Variants in SNAP29 observed in about 807,000 individuals in gnomAD.
SNAP29 encodes the protein synaptosome associated protein 29, also known as synaptosomal-associated protein 29.
A neutral mutation model predicts 27.9 loss-of-function variants in SNAP29; 13 were observed. That is an observed-to-expected ratio of 0.47 (90% CI 0.30 to 0.74). SNAP29 has a LOEUF of 0.74. SNAP29 is among the 30% of genes least tolerant of loss of function. SNAP29 has a pLI of 0.06. For synonymous variants in SNAP29, 119 were observed against 127.1 expected (o/e 0.94, Z 0.43); for missense variants, 368 against 336.5 (o/e 1.09, Z -0.73).
chr22:20,870,159 G>A (rs753207947), intron 1 of SNAP29, among the ~76,000 whole-genome samples, 178 bp from the exon 2 acceptor site: 8 of 152,118 alleles, frequency 5.3e-5, no homozygotes, highest in Admixed American at 2.6e-4. Context: ...GGTAGGGCAG[G>A]GAGGGAGAGG....
chr22:20,864,221 C>A (rs1928403832), intron 1 of SNAP29, among the ~76,000 whole-genome samples: 1 of 152,108 alleles, frequency 6.6e-6, no homozygotes, highest in African/African-American at 2.4e-5. Flanking sequence ...AACATTAGAC[C>A]AGGGTTGGAA....
chr22:20,863,278 A>G (rs1445749722), intron 1 of SNAP29, among the ~76,000 whole-genome samples: 1 of 150,762 alleles, frequency 6.6e-6, no homozygotes, highest in Non-Finnish European at 1.5e-5. Flanking sequence ...GCTTCCAGCA[A>G]ATTCCAGCAT....
rs1302381719 is a variant in SNAP29, at chr22:20,859,032, C to T, written c.-79C>T. On this transcript the variant is annotated 5_prime_UTR_variant, in exon 1 of 5. Coordinates refer to ENST00000215730, the MANE Select transcript of SNAP29 (RefSeq NM_004782.4). ...GTTCGCGCGACGACCGCGGGGTCGG[C>T]GGGCGGGGCGAGGCCCTGGACGGCG... 6.5e-6 allele frequency: 9 copies of T among 1,388,036 alleles called. No individual in the cohort carries two copies. Among genetic ancestry groups the T allele is most frequent in the South Asian group, 6.4e-5 (5 of 77,876 alleles). The allele number at this position is 1,388,036 out of a possible 1,614,324, so 86.0% of individuals were successfully genotyped here. A position where few individuals can be genotyped will look rare whatever the true frequency, so the allele number is the denominator to read the frequency against.
At chr22:20,874,875 G>A (rs1387627037) in intron 2 of SNAP29, among the ~76,000 whole-genome samples, 1 of 152,044 alleles carries the variant, frequency 6.6e-6, no homozygotes, top group Non-Finnish European at 1.5e-5. Flanking sequence ...GGAGAAGGTA[G>A]GATGTTCATT....
At chr22:20,862,910 T>C (rs1928360409) in intron 1 of SNAP29, among the ~76,000 whole-genome samples, 1 of 151,974 alleles carries the variant, frequency 6.6e-6, no homozygotes, top group Non-Finnish European at 1.5e-5. Flanking sequence ...TTTTTTGAGA[T>C]GGGGGTCTCA....
In SNAP29 at chr22:20,890,007, T is replaced by G; in HGVS notation, c.*2171T>G. 2.8e-6 allele frequency: 1 copy of G among 354,946 alleles called. No individual in the cohort carries two copies. The highest frequency in any genetic ancestry group is 5.0e-6 in the Non-Finnish European group (1 of 199,158). 22.0% of individuals were successfully genotyped at this position (354,946 alleles called of 1,614,324 possible). On this transcript the variant is annotated 3_prime_UTR_variant, in exon 5 of 5. Coordinates refer to ENST00000215730, the MANE Select transcript of SNAP29 (RefSeq NM_004782.4). ...GAGTTGCCTTCACTTTTCTGGAAATTTGTCTTCGTCTGACATATTAGAGGG... is the reference window on the plus strand; with the variant it reads ...GAGTTGCCTTCACTTTTCTGGAAATGTGTCTTCGTCTGACATATTAGAGGG...
At chr22:20,875,423 G>A (rs527327578) in intron 2 of SNAP29, among the ~76,000 whole-genome samples, 1 of 152,308 alleles carries the variant, frequency 6.6e-6, no homozygotes, top group East Asian at 1.9e-4. Context: ...GAAGCTGCAG[G>A]AATGCAGTCT....
chr22:20,871,002 A>G, intron 2 of SNAP29: 1 of 262,988 alleles, frequency 3.8e-6, no homozygotes, highest in South Asian at 4.2e-5. Flanking sequence ...TGTGGTGCAC[A>G]CCTGTAGTCC....
chr22:20,879,103 C>T (rs374329919), intron 2 of SNAP29, among the ~76,000 whole-genome samples: 20 of 152,094 alleles, frequency 1.3e-4, no homozygotes, highest in African/African-American at 4.3e-4. Flanking sequence ...GTCAGGAGAT[C>T]GAGACCATTC....
intron 1 of SNAP29, among the ~76,000 whole-genome samples, chr22:20,864,378 C>T (rs1243352380): frequency 1.3e-5 from 2 of 152,212 alleles, no homozygotes; most frequent in African/African-American, 4.8e-5. Context: ...AACAGTCACC[C>T]ACACTGGGCA....
At chr22:20,874,808 T>C (rs1928701886) in intron 2 of SNAP29, among the ~76,000 whole-genome samples, 1 of 152,056 alleles carries the variant, frequency 6.6e-6, no homozygotes. Context: ...TTTTTTTCAA[T>C]ATACATATCA....
intron 2 of SNAP29, among the ~76,000 whole-genome samples, chr22:20,877,982 C>T (rs983999532): frequency 6.6e-6 from 1 of 152,124 alleles, no homozygotes; most frequent in South Asian, 2.1e-4. Flanking sequence ...TCACAGCTTC[C>T]GTGGGGTGAA....
rs1301403362 is a variant in SNAP29, at chr22:20,890,165, G to A, written c.*2329G>A. ...CCCACTCCCATGCCCAGGAAGGCCT[G>A]GTTGCTGATGCTACTTTATAAATGA... is the stretch of plus-strand genomic sequence containing the variant. On this transcript the variant is annotated 3_prime_UTR_variant, in exon 5 of 5. Coordinates refer to ENST00000215730, the MANE Select transcript of SNAP29 (RefSeq NM_004782.4). 23 of 397,432 alleles carry A rather than the reference G, an allele frequency of 5.8e-5. No individual in the cohort carries two copies. The highest frequency in any genetic ancestry group is 8.4e-5 in the Non-Finnish European group (19 of 225,668). The allele number at this position is 397,432 out of a possible 1,614,324, so 24.6% of individuals were successfully genotyped here. A position where few individuals can be genotyped will look rare whatever the true frequency, so the allele number is the denominator to read the frequency against.
At chr22:20,866,542 GT>G (rs1928464331) in intron 1 of SNAP29, among the ~76,000 whole-genome samples, 1 of 152,188 alleles carries the variant, frequency 6.6e-6, no homozygotes, top group East Asian at 1.9e-4. Context: ...GGAGGTCTCG[GT>G]CACGGAAGCC....
chr22:20,887,033 C>A (rs746647101), intron 4 of SNAP29, among the ~76,000 whole-genome samples: 1 of 151,916 alleles, frequency 6.6e-6, no homozygotes, highest in Non-Finnish European at 1.5e-5. Flanking sequence ...ACCAGCCTGG[C>A]CAATATGGTG....
At chr22:20,879,123 C>T (rs375253246) in intron 2 of SNAP29, among the ~76,000 whole-genome samples, 41 of 152,002 alleles carry the variant, frequency 2.7e-4, no homozygotes, top group South Asian at 8.3e-4. Context: ...CCGGCTAACA[C>T]GGTGAAACCC....
chr22:20,872,350 C>T (rs1320982667), intron 2 of SNAP29, among the ~76,000 whole-genome samples: 1 of 152,124 alleles, frequency 6.6e-6, no homozygotes, highest in Non-Finnish European at 1.5e-5. Flanking sequence ...AAGCGATTCT[C>T]CTGCCTCAGC....
intron 3 of SNAP29, among the ~76,000 whole-genome samples, chr22:20,883,163 G>C (rs1395979183): frequency 6.6e-6 from 1 of 152,168 alleles, no homozygotes; most frequent in African/African-American, 2.4e-5. Context: ...TTCCACTTCT[G>C]TATTGTCACT....
Position 20,887,840 on chromosome 22 carries a change from C to T in SNAP29, c.*4C>T. 1 of 1,613,432 alleles carries T rather than the reference C, an allele frequency of 6.2e-7. No homozygotes were observed. The highest frequency in any genetic ancestry group is 1.3e-5 in the African/African-American group (1 of 75,032). On this transcript the variant is annotated 3_prime_UTR_variant, in exon 5 of 5. Transcript: ENST00000215730. ...AAGAAAAGTTCGACAACTCTGAAGACAGACGGATTTCCACTCTATTGTGAT... is the reference window on the plus strand; with the variant it reads ...AAGAAAAGTTCGACAACTCTGAAGATAGACGGATTTCCACTCTATTGTGAT...
Sources: gnomAD v4.1 joint callset for allele counts (sites outside exome capture counted in the v4.1 genomes callset) on GRCh38, gnomAD v4.1.1 for gene constraint, MANE v1.5 for transcripts, NCBI Gene and HGNC (gene_info 2026-07-23, HGNC 2026-07-21) for gene names.